Variants in PVALEF observed in about 807,000 individuals in gnomAD.
The protein encoded by PVALEF is parvalbumin-like EF-hand-containing protein.
A neutral mutation model predicts 1.2 loss-of-function variants in PVALEF; 2 were observed. That is an observed-to-expected ratio of 1.68 (90% CI 0.69 to 5.28). PVALEF has a LOEUF of 5.28. Ranked by LOEUF, PVALEF falls within the 30% of genes most tolerant of loss-of-function variation. The pLI, the probability that PVALEF is intolerant of heterozygous loss-of-function variation, is 0.06. For missense variants in PVALEF, 35 were observed against 17.7 expected (o/e 1.97, Z -1.75); for synonymous variants, 16 against 6.5 (o/e 2.47, Z -2.24).
chr17:81,182,307 C>T (rs543590145), intron 6 of PVALEF, among the ~76,000 whole-genome samples: 4 of 152,330 alleles, frequency 2.6e-5, no homozygotes, highest in Admixed American at 1.3e-4. Flanking sequence ...GCAGAGCCAG[C>T]GGGTATGGGG....
intron 2 of PVALEF, 78 bp downstream of exon 2, chr17:81,166,922 C>T (rs1475934825): frequency 3.4e-5 from 11 of 328,340 alleles, no homozygotes; most frequent in Non-Finnish European, 6.8e-5. Flanking sequence ...CCCCCATCCC[C>T]GCCCAAAGTG....
chr17:81,166,017 T>C (rs1191698191), intron 1 of PVALEF: 1 of 1,536,822 alleles, frequency 6.5e-7, no homozygotes, highest in Non-Finnish European at 8.7e-7. Flanking sequence ...CCGGCGGGCA[T>C]CCCGGGAGGG....
At chr17:81,173,879 A>C (rs1261549468) in intron 2 of PVALEF, among the ~76,000 whole-genome samples, 2 of 152,202 alleles carry the variant, frequency 1.3e-5, no homozygotes, top group African/African-American at 4.8e-5. Flanking sequence ...ATCTCTCATG[A>C]ACACAGATTC....
intron 2 of PVALEF, among the ~76,000 whole-genome samples, chr17:81,167,201 G>A (rs1416612502): frequency 6.6e-6 from 1 of 152,244 alleles, no homozygotes; most frequent in Non-Finnish European, 1.5e-5. Flanking sequence ...GCTGAGGTGG[G>A]AGGATCACTT....
Position 81,182,098 on chromosome 17 carries a change from C to T in PVALEF, c.358+17C>T, listed in dbSNP as rs925371471. On this transcript the variant is annotated intron_variant, in intron 6 of 6. Transcript: ENST00000637878. Reference sequence around the variant, plus strand: ...ACTACGAAGGTGGGGGCAGCACAGCCGGGGCACCCTCAGGACCCTCCTTCC... The same window carrying T: ...ACTACGAAGGTGGGGGCAGCACAGCTGGGGCACCCTCAGGACCCTCCTTCC... 18 of 398,594 alleles carry T rather than the reference C, an allele frequency of 4.5e-5. No individual in the cohort carries two copies. Among genetic ancestry groups the T allele is most frequent in the East Asian group, 2.5e-4 (7 of 28,094 alleles). 24.7% of individuals were successfully genotyped at this position (398,594 alleles called of 1,614,324 possible).
In PVALEF at chr17:81,165,739, C is replaced by A. The variant is rs766240332; in HGVS notation, c.-516C>A. 9.8e-5 allele frequency: 150 copies of A among 1,524,292 alleles called. No individual in the cohort carries two copies. Among genetic ancestry groups the A allele is most frequent in the Non-Finnish European group, 1.3e-4 (144 of 1,137,274 alleles). 94.4% of individuals were successfully genotyped at this position (1,524,292 alleles called of 1,614,324 possible). A position where few individuals can be genotyped will look rare whatever the true frequency, so the allele number is the denominator to read the frequency against. On this transcript the variant is annotated 5_prime_UTR_variant, in exon 1 of 7. Coordinates refer to ENST00000637878, the MANE Select transcript of PVALEF (RefSeq NM_001354639.2). ...CACGCGGGGGACGCCAGCCCACAGG[C>A]GGAGGCCGGTTTGTGCTGGGGCCCA...
chr17:81,178,261 G>C (rs751132000), intron 2 of PVALEF, among the ~76,000 whole-genome samples: 5 of 152,146 alleles, frequency 3.3e-5, no homozygotes, highest in African/African-American at 9.7e-5. Flanking sequence ...TAAGAGGCCC[G>C]GGCAGTCCTG....
chr17:81,174,243 G>C (rs914825946), intron 2 of PVALEF, among the ~76,000 whole-genome samples: 1 of 152,166 alleles, frequency 6.6e-6, no homozygotes, highest in Non-Finnish European at 1.5e-5. Context: ...AGAAAAGCGT[G>C]TCCACTCTCG....
intron 2 of PVALEF, among the ~76,000 whole-genome samples, chr17:81,168,925 T>C (rs2061508556): frequency 6.6e-6 from 1 of 152,202 alleles, no homozygotes; most frequent in South Asian, 2.1e-4. Flanking sequence ...GTCCATACGA[T>C]GCAATGGTAT....
intron 2 of PVALEF, among the ~76,000 whole-genome samples, chr17:81,167,826 G>A (rs923623023): frequency 1.3e-5 from 2 of 152,242 alleles, no homozygotes; most frequent in African/African-American, 2.4e-5. Flanking sequence ...AAGAAGCCGC[G>A]TGGGTAGAGT....
intron 2 of PVALEF, among the ~76,000 whole-genome samples, chr17:81,170,423 C>T (rs1012011688): frequency 6.6e-6 from 1 of 151,794 alleles, no homozygotes; most frequent in Non-Finnish European, 1.5e-5. Flanking sequence ...TGCATTAGGA[C>T]CCCCTGCTCC....
chr17:81,168,874 T>C (rs1251146773), intron 2 of PVALEF, among the ~76,000 whole-genome samples: 2 of 152,184 alleles, frequency 1.3e-5, no homozygotes, highest in Admixed American at 1.3e-4. Context: ...AACTCAGCAG[T>C]TATGCCCATC....
rs924216986 is a variant in PVALEF at position 81,181,623 on chromosome 17, C to T, written c.171C>T (p.Asp57=). ...IRKLHASGQL[D]DAIHTAFQSL... The stretch of plus-strand genomic sequence containing the variant: ...AGCTCCACGCCTCGGGCCAGCTGGA[C>T]GACGCCATCCACACGGCCTTCCAGT... Residue 57 remains aspartate, a synonymous_variant, in exon 5 of 7, where the codon GAC becomes GAT. Coordinates refer to ENST00000637878, the MANE Select transcript of PVALEF (RefSeq NM_001354639.2). 2.4e-5 allele frequency: 10 copies of T among 418,502 alleles called. No individual in the cohort carries two copies. Among genetic ancestry groups the T allele is most frequent in the Admixed American group, 8.7e-5 (2 of 23,034 alleles). 25.9% of individuals were successfully genotyped at this position (418,502 alleles called of 1,614,324 possible).
chr17:81,176,852 G>A (rs1177642554), intron 2 of PVALEF, among the ~76,000 whole-genome samples: 4 of 150,916 alleles, frequency 2.7e-5, no homozygotes, highest in Non-Finnish European at 4.4e-5. Flanking sequence ...AAAGGTGGAC[G>A]AAAAATCCAG....
At position 81,171,509 on chromosome 17, in the gene PVALEF, T is replaced by G. The variant is rs1055938952; in HGVS notation, c.-340+4665T>G. On this transcript the variant is annotated intron_variant, in intron 2 of 6. Transcript: ENST00000637878. ...CCCACTCCACATATTTCCTTTTTTT[T>G]GAGATGGAGTCTCACTCTGTTACCT... Among the ~76,000 whole-genome samples, 6 of 152,310 alleles carry G rather than the reference T, an allele frequency of 3.9e-5. No individual in the cohort carries two copies. The East Asian group carries it at 1.2e-3, about 29-fold the overall frequency.
rs1452104515 is a variant in PVALEF, at chr17:81,181,240, TCTC to T, written c.19_21del (p.Ser7del). On this transcript the variant is annotated inframe_deletion, in exon 4 of 7. Coordinates refer to ENST00000637878, the MANE Select transcript of PVALEF (RefSeq NM_001354639.2). Reference sequence around the variant, plus strand: ...CCCAGGACCAGGATGGAGGAGGACTTCTCCTCCCAGATGAAGAAGATGGCCTTG... The same window carrying T: ...CCCAGGACCAGGATGGAGGAGGACTTCTCCCAGATGAAGAAGATGGCCTTG... 59 of 702,698 alleles carry T rather than the reference TCTC, an allele frequency of 8.4e-5. No individual in the cohort carries two copies. The East Asian group carries it at 1.1e-3, about 13-fold the overall frequency. 43.5% of individuals were successfully genotyped at this position (702,698 alleles called of 1,614,324 possible).
intron 6 of PVALEF, 114 bp downstream of exon 6, chr17:81,182,195 C>A (rs2061556868): frequency 7.6e-6 from 3 of 396,974 alleles, no homozygotes. Context: ...GATGAGGAAA[C>A]CCAGGCTCAG....
At chr17:81,167,244 G>T (rs1333520127) in intron 2 of PVALEF, among the ~76,000 whole-genome samples, 1 of 152,214 alleles carries the variant, frequency 6.6e-6, no homozygotes, top group Non-Finnish European at 1.5e-5. Flanking sequence ...AGTGAGCCAA[G>T]ATGGCACCAC....
chr17:81,169,925 CAT>C (rs1297822336), intron 2 of PVALEF, among the ~76,000 whole-genome samples: 4 of 150,296 alleles, frequency 2.7e-5, no homozygotes, highest in African/African-American at 9.9e-5. Context: ...TTTGTGTGTG[CAT>C]GTGTGTCTGC....
Sources: gnomAD v4.1 joint callset for allele counts (sites outside exome capture counted in the v4.1 genomes callset) on GRCh38, gnomAD v4.1.1 for gene constraint, MANE v1.5 for transcripts, NCBI Gene and HGNC (gene_info 2026-07-23, HGNC 2026-07-21) for gene names.